Variants in MORC1 observed in about 807,000 individuals in gnomAD.
The protein encoded by MORC1 is MORC family CW-type zinc finger protein 1.
In MORC1, 59 loss-of-function variants were observed where a neutral mutation model predicts 134.9. The observed-to-expected ratio is 0.44, with a 90% CI of 0.35 to 0.54. The LOEUF is 0.54. Ranked by LOEUF, MORC1 falls within the 20% of genes least tolerant of loss-of-function variation. MORC1 has a pLI of 0.00. For synonymous variants in MORC1, 395 were observed against 391.7 expected (o/e 1.01, Z -0.10); for missense variants, 947 against 1,134.5 (o/e 0.83, Z 2.37).
chr3:109,002,821 C>G (rs1407497452), intron 20 of MORC1, among the ~76,000 whole-genome samples: 1 of 152,152 alleles, frequency 6.6e-6, no homozygotes, highest in Non-Finnish European at 1.5e-5. Flanking sequence ...AATGCAAAAC[C>G]CCTTATGACT....
chr3:109,071,137 C>G (rs1950307109), intron 8 of MORC1, among the ~76,000 whole-genome samples: 1 of 152,122 alleles, frequency 6.6e-6, no homozygotes, highest in South Asian at 2.1e-4. Context: ...CCTTGGGATG[C>G]TTGCCATTGT....
intron 1 of MORC1, among the ~76,000 whole-genome samples, chr3:109,114,908 A>ATT (rs1488275304): frequency 1.3e-5 from 2 of 152,176 alleles, no homozygotes; most frequent in African/African-American, 4.8e-5. Flanking sequence ...ACCAATCTGT[A>ATT]TTTTTCTGCA....
intron 8 of MORC1, among the ~76,000 whole-genome samples, chr3:109,082,608 T>C (rs1028722966): frequency 6.6e-6 from 1 of 152,000 alleles, no homozygotes; most frequent in African/African-American, 2.4e-5. Context: ...ATCAAACAAA[T>C]CTTGGAACTG....
At chr3:108,977,465 C>T (rs911330826) in intron 24 of MORC1, among the ~76,000 whole-genome samples, 1 of 152,120 alleles carries the variant, frequency 6.6e-6, no homozygotes, top group African/African-American at 2.4e-5. Context: ...AATCCTCCCA[C>T]CTTGGCCTCC....
intron 2 of MORC1, 110 bp downstream of exon 2, chr3:109,114,274 A>G (rs1951226762): frequency 1.0e-6 from 1 of 972,802 alleles, no homozygotes; most frequent in African/African-American, 1.7e-5. Flanking sequence ...CAAGTCACAA[A>G]ACATTCCAGA....
intron 20 of MORC1, among the ~76,000 whole-genome samples, chr3:109,003,318 C>T (rs142219935): frequency 4.3e-4 from 63 of 147,706 alleles, no homozygotes; most frequent in Admixed American, 8.8e-4. Context: ...TATATGTATA[C>T]ATATATGTGT....
chr3:109,016,593 T>C (rs1340024141), intron 17 of MORC1, among the ~76,000 whole-genome samples: 1 of 152,190 alleles, frequency 6.6e-6, no homozygotes, highest in Non-Finnish European at 1.5e-5. Flanking sequence ...CCGGGCGCAG[T>C]GGCTCATGCC....
intron 14 of MORC1, among the ~76,000 whole-genome samples, chr3:109,054,065 C>T (rs1488678024): frequency 3.3e-5 from 5 of 151,742 alleles, no homozygotes; most frequent in East Asian, 3.9e-4. Context: ...GGGTGGATCA[C>T]GAGGTCAGGA....
intron 17 of MORC1, among the ~76,000 whole-genome samples, chr3:109,013,015 T>C (rs922725826): frequency 6.6e-6 from 1 of 152,190 alleles, no homozygotes; most frequent in Non-Finnish European, 1.5e-5. Flanking sequence ...CTTTCACTAA[T>C]AAGCAAGATT....
intron 8 of MORC1, among the ~76,000 whole-genome samples, chr3:109,072,397 T>C (rs530451451): frequency 6.6e-6 from 1 of 152,250 alleles, no homozygotes; most frequent in South Asian, 2.1e-4. Context: ...CCGAGAGAGA[T>C]GAAGTGCTCT....
chr3:108,967,936 C>T (rs945965128), intron 26 of MORC1, among the ~76,000 whole-genome samples: 1 of 152,202 alleles, frequency 6.6e-6, no homozygotes, highest in African/African-American at 2.4e-5. Context: ...TGAATCTGAT[C>T]ATGACACTGG....
chr3:108,958,933 A>T lies in MORC1; in HGVS notation c.*32T>A. The stretch of plus-strand genomic sequence containing the variant: ...AAAAGAATCTTCCAATTTTCTTATT[A>T]GCATTTTTTAAAAGGTAATACCATC... On this transcript the variant is annotated 3_prime_UTR_variant, in exon 28 of 28. Transcript: ENST00000232603. The T allele has an allele frequency of 2.2e-6, 3 of 1,382,764 alleles. No homozygotes were observed. Among genetic ancestry groups the T allele is most frequent in the Non-Finnish European group, 2.9e-6 (3 of 1,046,450 alleles). 85.7% of individuals were successfully genotyped at this position (1,382,764 alleles called of 1,614,324 possible). A position where few individuals can be genotyped will look rare whatever the true frequency, so the allele number is the denominator to read the frequency against.
rs1947005567 is a variant in MORC1 at position 108,958,871 on chromosome 3, G to A, written c.*94C>T. ...TTATTTCTTATTGTTAAACAGAATA[G>A]ACTTTACAGTAACAACAACAAAAAA... On this transcript the variant is annotated 3_prime_UTR_variant, in exon 28 of 28. Coordinates refer to ENST00000232603, the MANE Select transcript of MORC1 (RefSeq NM_014429.4). The A allele has an allele frequency of 1.3e-6, 1 of 790,990 alleles. No homozygotes were observed. Among genetic ancestry groups the A allele is most frequent in the East Asian group, 3.0e-5 (1 of 33,482 alleles). 49.0% of individuals were successfully genotyped at this position (790,990 alleles called of 1,614,324 possible). A position where few individuals can be genotyped will look rare whatever the true frequency, so the allele number is the denominator to read the frequency against.
intron 17 of MORC1, 84 bp from the exon 18 acceptor site, chr3:109,007,175 T>C: frequency 9.4e-7 from 1 of 1,067,834 alleles, no homozygotes; most frequent in South Asian, 1.6e-5. Context: ...GCATTCTCCA[T>C]TTCTTAAAGA....
intron 8 of MORC1, among the ~76,000 whole-genome samples, chr3:109,084,585 C>T (rs1950582912): frequency 6.6e-6 from 1 of 152,012 alleles, no homozygotes; most frequent in Non-Finnish European, 1.5e-5. Context: ...CCACCCAAAG[C>T]AATTTACACA....
At chr3:108,990,025 G>GT (rs1289611279) in intron 21 of MORC1, among the ~76,000 whole-genome samples, 1 of 151,984 alleles carries the variant, frequency 6.6e-6, no homozygotes, top group Non-Finnish European at 1.5e-5. Context: ...AGATCTGATG[G>GT]TTTTATAAAG....
chr3:109,058,959 G>GT (rs1950021406), intron 12 of MORC1, among the ~76,000 whole-genome samples: 1 of 151,916 alleles, frequency 6.6e-6, no homozygotes. Context: ...TTTCAAGAAG[G>GT]TTTTTATTTC....
At chr3:108,987,481 G>A (rs928520081) in intron 21 of MORC1, among the ~76,000 whole-genome samples, 1 of 152,086 alleles carries the variant, frequency 6.6e-6, no homozygotes, top group Admixed American at 6.5e-5. Flanking sequence ...CTGGGGGATG[G>A]GATATCTCAT....
At chr3:109,030,140 G>A (rs912417144) in intron 16 of MORC1, among the ~76,000 whole-genome samples, 7 of 152,094 alleles carry the variant, frequency 4.6e-5, no homozygotes, top group East Asian at 3.9e-4. Flanking sequence ...ACAAGAAACC[G>A]TATTTTCTGT....
Sources: gnomAD v4.1 joint callset for allele counts (sites outside exome capture counted in the v4.1 genomes callset) on GRCh38, gnomAD v4.1.1 for gene constraint, MANE v1.5 for transcripts, NCBI Gene and HGNC (gene_info 2026-07-23, HGNC 2026-07-21) for gene names.